The following TMEM74 variants were observed in gnomAD, a reference collection of about 807,000 sequenced individuals.
TMEM74 encodes transmembrane protein 74.
TMEM74 carries 13 observed loss-of-function variants against 18.1 expected under a neutral mutation model. That is an observed-to-expected ratio of 0.72 (90% CI 0.47 to 1.14). The LOEUF is 1.14. TMEM74 is among the 50% of genes most tolerant of loss of function. TMEM74 has a pLI of 0.00. For missense variants in TMEM74, 372 were observed against 375.9 expected, an observed-to-expected ratio of 0.99 and a Z score of 0.09; for synonymous variants, 159 against 146.6, an observed-to-expected ratio of 1.08 and a Z score of -0.61.
chr8:108,631,400 C>T lies in TMEM74; in HGVS notation n.265-22574G>A, dbSNP rs111941923. Among the ~76,000 whole-genome samples the T allele has an allele frequency of 6.4e-3, 972 of 151,990 alleles. 5 individuals are homozygous for T. The highest frequency in any genetic ancestry group is 0.011 in the Non-Finnish European group (742 of 67,894). On this transcript the variant is annotated intron_variant and non_coding_transcript_variant, in intron 2 of 3. Transcript: ENST00000518838. The stretch of plus-strand genomic sequence containing the variant: ...GAAAAACAGGATTGTAGAACTTTAC[C>T]CTCCTTTAGCTTTCCGAGAATTTTT...
At chr8:108,630,696 A>C (rs960061693) in intron 2 of TMEM74, among the ~76,000 whole-genome samples, 1 of 152,116 alleles carries the variant, frequency 6.6e-6, no homozygotes, top group African/African-American at 2.4e-5. Flanking sequence ...ACTACATGGA[A>C]ATAGTGGGTA....
chr8:108,756,445 T>C (rs1813960266), intron 1 of TMEM74, among the ~76,000 whole-genome samples: 1 of 151,014 alleles, frequency 6.6e-6, no homozygotes. Flanking sequence ...TCTCTTACGC[T>C]CCTCAATTTT....
intron 1 of TMEM74, among the ~76,000 whole-genome samples, chr8:108,753,982 C>T (rs1324524805): frequency 6.6e-6 from 1 of 152,048 alleles, no homozygotes; most frequent in Non-Finnish European, 1.5e-5. Context: ...AAATCACATA[C>T]TGCTAGGCCC....
intron 1 of TMEM74, among the ~76,000 whole-genome samples, chr8:108,670,494 G>T (rs920097224): frequency 1.3e-5 from 2 of 152,156 alleles, no homozygotes; most frequent in African/African-American, 4.8e-5. Context: ...TGTGGTTGTG[G>T]CTGAGTCTTA....
intron 1 of TMEM74, among the ~76,000 whole-genome samples, chr8:108,743,809 TCC>T (rs1468383552): frequency 6.6e-6 from 1 of 152,024 alleles, no homozygotes; most frequent in Admixed American, 6.6e-5. Flanking sequence ...TGTCCCATCC[TCC>T]CCCTCTCCTC....
chr8:108,648,934 C>A (rs961672112), intron 2 of TMEM74, among the ~76,000 whole-genome samples: 2 of 152,102 alleles, frequency 1.3e-5, no homozygotes, highest in African/African-American at 4.8e-5. Flanking sequence ...CACTGATCTA[C>A]AAGTTCAAAA....
intron 1 of TMEM74, among the ~76,000 whole-genome samples, chr8:108,740,944 C>A (rs1348855174): frequency 6.6e-6 from 1 of 152,082 alleles, no homozygotes; most frequent in Non-Finnish European, 1.5e-5. Context: ...CAAATATCAT[C>A]AAAAGAAGAA....
At chr8:108,634,966 T>C (rs1299240684) in intron 2 of TMEM74, among the ~76,000 whole-genome samples, 3 of 151,932 alleles carry the variant, frequency 2.0e-5, no homozygotes, top group African/African-American at 7.2e-5. Flanking sequence ...TTCTCTTCCT[T>C]CTTATTGTCA....
Position 108,682,032 on chromosome 8 carries a change from A to AT in TMEM74, n.120-26596dup, listed in dbSNP as rs541604070. On this transcript the variant is annotated intron_variant and non_coding_transcript_variant, in intron 1 of 3. Coordinates refer to the TMEM74 transcript ENST00000518838. Reference sequence around the variant, plus strand: ...AATCTTTACTCTGCCCTAAAGGCAGATTTTTTTGTTTATTCAATTGTGTTA... The same window carrying AT: ...AATCTTTACTCTGCCCTAAAGGCAGATTTTTTTTGTTTATTCAATTGTGTTA... Among the ~76,000 whole-genome samples, 96 of 152,150 alleles carry AT rather than the reference A, an allele frequency of 6.3e-4. 1 individual carries two copies. The highest frequency in any genetic ancestry group is 2.2e-3 in the African/African-American group (92 of 41,536).
intron 1 of TMEM74, among the ~76,000 whole-genome samples, chr8:108,754,014 A>C (rs1439827161): frequency 6.6e-6 from 1 of 152,070 alleles, no homozygotes; most frequent in African/African-American, 2.4e-5. Context: ...TTCTGATTCA[A>C]AAAGTAGGAG....
chr8:108,636,193 G>A (rs1451354631), intron 2 of TMEM74, among the ~76,000 whole-genome samples: 1 of 152,034 alleles, frequency 6.6e-6, no homozygotes, highest in East Asian at 1.9e-4. Context: ...ACAAAAAGTT[G>A]CAAGGAGATC....
chr8:108,719,111 G>A (rs1295587058), intron 1 of TMEM74, among the ~76,000 whole-genome samples: 1 of 151,970 alleles, frequency 6.6e-6, no homozygotes, highest in South Asian at 2.1e-4. Context: ...GAGTAGAGCA[G>A]TTTTTAGAAG....
intron 1 of TMEM74, among the ~76,000 whole-genome samples, chr8:108,771,771 T>C (rs1192541484): frequency 6.6e-6 from 1 of 152,172 alleles, no homozygotes. Context: ...CAGTGATAAC[T>C]GTCTTTATAA....
At chr8:108,738,418 G>A (rs1429407717) in intron 1 of TMEM74, among the ~76,000 whole-genome samples, 2 of 152,048 alleles carry the variant, frequency 1.3e-5, no homozygotes, top group South Asian at 4.1e-4. Flanking sequence ...CTTTCTTCAC[G>A]CATCTTACTA....
At chr8:108,718,804 A>G (rs74415195) in intron 1 of TMEM74, among the ~76,000 whole-genome samples, 3 of 152,154 alleles carry the variant, frequency 2.0e-5, no homozygotes, top group Non-Finnish European at 4.4e-5. Context: ...TCGATATGAA[A>G]ATTGTAGTTT....
chr8:108,690,381 TTTTG>T lies in TMEM74; in HGVS notation n.120-34948_120-34945del, dbSNP rs201674179. Among the ~76,000 whole-genome samples, 614 of 142,990 alleles carry T rather than the reference TTTTG, an allele frequency of 4.3e-3. 4 individuals are homozygous for T. The highest frequency in any genetic ancestry group is 0.015 in the African/African-American group (592 of 38,756). 93.8% of individuals were successfully genotyped at this position (142,990 alleles called of 152,430 possible). A position where few individuals can be genotyped will look rare whatever the true frequency, so the allele number is the denominator to read the frequency against. The stretch of plus-strand genomic sequence containing the variant: ...CAATCTAAATTACAATACTGTTTTT[TTTTG>T]TTTGTTTTTTTTTAGTCCCCCAGTG... On this transcript the variant is annotated intron_variant and non_coding_transcript_variant, in intron 1 of 3. Transcript: ENST00000518838.
intron 2 of TMEM74, among the ~76,000 whole-genome samples, chr8:108,646,264 G>T (rs1013577945): frequency 2.0e-5 from 3 of 151,990 alleles, no homozygotes; most frequent in Non-Finnish European, 4.4e-5. Flanking sequence ...TGTAGTGCTT[G>T]GGTTGAGGGA....
At chr8:108,688,006 T>C (rs535535095) in intron 1 of TMEM74, among the ~76,000 whole-genome samples, 60 of 152,302 alleles carry the variant, frequency 3.9e-4, no homozygotes, top group African/African-American at 1.4e-3. Flanking sequence ...GTTATAAATA[T>C]GAAATTCTTC....
At chr8:108,734,825 A>G (rs1162453638) in intron 1 of TMEM74, among the ~76,000 whole-genome samples, 1 of 152,170 alleles carries the variant, frequency 6.6e-6, no homozygotes, top group East Asian at 1.9e-4. Context: ...TTATTATCAC[A>G]TTCAGGCCTG....
Sources: allele counts gnomAD v4.1 joint callset (sites outside exome capture counted in the v4.1 genomes callset), GRCh38; gene constraint gnomAD v4.1.1; transcripts MANE v1.5; gene names NCBI Gene and HGNC (gene_info 2026-07-23, HGNC 2026-07-21).